The following HVCN1 variants were observed in gnomAD, a reference collection of about 807,000 sequenced individuals.
HVCN1 encodes the protein voltage-gated hydrogen channel 1.
HVCN1 carries 14 observed loss-of-function variants against 29.2 expected under a neutral mutation model. That is an observed-to-expected ratio of 0.48 (90% CI 0.32 to 0.75). The LOEUF is 0.75. HVCN1 is among the 30% of genes least tolerant of loss of function. The pLI, the probability that HVCN1 is intolerant of heterozygous loss-of-function variation, is 0.04. For synonymous variants in HVCN1, 131 were observed against 133.2 expected (o/e 0.98, Z 0.11); for missense variants, 263 against 341.8 (o/e 0.77, Z 1.82).
chr12:110,678,926 G>C (rs2068848564), intron 3 of HVCN1, among the ~76,000 whole-genome samples: 1 of 152,202 alleles, frequency 6.6e-6, no homozygotes, highest in Non-Finnish European at 1.5e-5. Flanking sequence ...ACCAGGAGCA[G>C]GGGCTGTGCT....
chr12:110,681,831 CCTTT>C (rs761324608), intron 3 of HVCN1, among the ~76,000 whole-genome samples: 50 of 152,322 alleles, frequency 3.3e-4, no homozygotes, highest in Middle Eastern at 3.4e-3. Flanking sequence ...GTCAACACTT[CCTTT>C]CTACCTTGCC....
rs146067824 is a variant in HVCN1, at chr12:110,653,186, G to A, written c.412-1738C>T. On this transcript the variant is annotated intron_variant, in intron 5 of 7. Coordinates refer to ENST00000242607, the MANE Select transcript of HVCN1 (RefSeq NM_032369.4). ...TTAAGAAAGCCCAGGGAGGCCGGGT[G>A]CAGTGGCTCACACCTGTAATCCCAG... Among the ~76,000 whole-genome samples the A allele has an allele frequency of 1.5e-3, 226 of 152,292 alleles. 5 individuals carry two copies. In the East Asian group the frequency reaches 0.025, roughly 17 times the overall value.
chr12:110,682,445 C>A (rs1308076131), intron 3 of HVCN1, among the ~76,000 whole-genome samples: 1 of 151,998 alleles, frequency 6.6e-6, no homozygotes, highest in Non-Finnish European at 1.5e-5. Flanking sequence ...GTGACTTGCC[C>A]ACCTTGGCCT....
chr12:110,654,827 G>A (rs2067934653), intron 5 of HVCN1, among the ~76,000 whole-genome samples: 1 of 152,018 alleles, frequency 6.6e-6, no homozygotes, highest in South Asian at 2.1e-4. Flanking sequence ...ACTGAGACAG[G>A]GTATGTCCAC....
chr12:110,660,268 C>T (rs183510943), intron 4 of HVCN1, among the ~76,000 whole-genome samples: 2 of 152,004 alleles, frequency 1.3e-5, no homozygotes, highest in African/African-American at 2.4e-5. Flanking sequence ...CCCAGCTACT[C>T]GGGAGGCTGA....
intron 3 of HVCN1, among the ~76,000 whole-genome samples, chr12:110,674,186 T>G (rs1451306860): frequency 6.6e-6 from 1 of 152,202 alleles, no homozygotes; most frequent in Non-Finnish European, 1.5e-5. Flanking sequence ...TTTGAAGCCT[T>G]AGAATTTGAC....
intron 3 of HVCN1, among the ~76,000 whole-genome samples, chr12:110,668,821 C>T (rs550191796): frequency 7.2e-5 from 11 of 152,270 alleles, no homozygotes; most frequent in Admixed American, 7.2e-4. Flanking sequence ...ACCGTGGCTC[C>T]AACCTGCCTG....
At chr12:110,660,455 G>A (rs965553342) in intron 4 of HVCN1, among the ~76,000 whole-genome samples, 4 of 152,266 alleles carry the variant, frequency 2.6e-5, no homozygotes, top group Non-Finnish European at 5.9e-5. Context: ...GGCCCCCAGC[G>A]TGATGGGTCT....
chr12:110,651,137 G>C lies in HVCN1; in HGVS notation c.643+80C>G, dbSNP rs1309967206. On this transcript the variant is annotated intron_variant, in intron 6 of 7. Coordinates refer to ENST00000242607, the MANE Select transcript of HVCN1 (RefSeq NM_032369.4). ...GAGCCACTGTGAGCTCAGGCACCCAGAGTGACTGCGCAGTCAGGCCTTGGA... is the reference window on the plus strand; with the variant it reads ...GAGCCACTGTGAGCTCAGGCACCCACAGTGACTGCGCAGTCAGGCCTTGGA... The C allele has an allele frequency of 9.6e-6, 10 of 1,041,320 alleles. No individual in the cohort carries two copies. In the African/African-American group the frequency reaches 1.4e-4, roughly 15 times the overall value. The allele number at this position is 1,041,320 out of a possible 1,614,324, so 64.5% of individuals were successfully genotyped here. A position where few individuals can be genotyped will look rare whatever the true frequency, so the allele number is the denominator to read the frequency against.
chr12:110,690,293 A>G (rs543958740), upstream of HVCN1, among the ~76,000 whole-genome samples: 1 of 152,274 alleles, frequency 6.6e-6, no homozygotes, highest in African/African-American at 2.4e-5. Flanking sequence ...TAATCTCTCC[A>G]GCTCAGGATC....
At chr12:110,696,138 G>A (rs980162654) in intron 2 of HVCN1, among the ~76,000 whole-genome samples, 10 of 150,296 alleles carry the variant, frequency 6.7e-5, no homozygotes, top group African/African-American at 2.2e-4. Context: ...TTTTTCAGTT[G>A]AGATGGGGTT....
chr12:110,657,677 A>G (rs1593448166), intron 4 of HVCN1, among the ~76,000 whole-genome samples: 1 of 152,316 alleles, frequency 6.6e-6, no homozygotes, highest in Non-Finnish European at 1.5e-5. Context: ...GAGACAGACC[A>G]ACCTAAGGTC....
At chr12:110,651,046 A>G (rs1307515617) in intron 6 of HVCN1, among the ~76,000 whole-genome samples, 171 bp downstream of exon 6, 2 of 152,092 alleles carry the variant, frequency 1.3e-5, no homozygotes, top group Non-Finnish European at 2.9e-5. Flanking sequence ...ACCAGCTCCT[A>G]AAGGGCTGAA....
At chr12:110,679,536 G>A (rs964926009) in intron 3 of HVCN1, among the ~76,000 whole-genome samples, 1 of 152,234 alleles carries the variant, frequency 6.6e-6, no homozygotes, top group African/African-American at 2.4e-5. Context: ...CTGTGAGGTA[G>A]TGTGATCGTT....
chr12:110,649,243 T>C lies in HVCN1; in HGVS notation c.*167A>G. The C allele has an allele frequency of 2.9e-6, 2 of 678,306 alleles. 1 individual carries two copies. The highest frequency in any genetic ancestry group is 3.3e-5 in the South Asian group (2 of 60,914). 42.0% of individuals were successfully genotyped at this position (678,306 alleles called of 1,614,324 possible). A position where few individuals can be genotyped will look rare whatever the true frequency, so the allele number is the denominator to read the frequency against. On this transcript the variant is annotated 3_prime_UTR_variant, in exon 8 of 8. Transcript: ENST00000242607. ...GTGGATGGGCAGCTCTTGGTGGTAC[T>C]GGACCTTCCACAAGGCTGTGTCCAC...
At chr12:110,686,496 G>T (rs1347524623) in intron 2 of HVCN1, among the ~76,000 whole-genome samples, 1 of 152,074 alleles carries the variant, frequency 6.6e-6, no homozygotes, top group Non-Finnish European at 1.5e-5. Flanking sequence ...TTCTCAACCT[G>T]CTCTCACGAG....
chr12:110,703,654 C>A (rs1174107942), intron 1 of HVCN1, among the ~76,000 whole-genome samples: 1 of 151,616 alleles, frequency 6.6e-6, no homozygotes, highest in Non-Finnish European at 1.5e-5. Context: ...AAACGACCGC[C>A]CCACTTTGTT....
intron 3 of HVCN1, among the ~76,000 whole-genome samples, chr12:110,666,266 C>CA (rs1208719647): frequency 6.7e-6 from 1 of 149,984 alleles, no homozygotes; most frequent in Non-Finnish European, 1.5e-5. Context: ...AAAAAAAATA[C>CA]AAAAAAATTA....
At chr12:110,662,852 T>C (rs2136306368) in intron 3 of HVCN1, among the ~76,000 whole-genome samples, 1 of 152,252 alleles carries the variant, frequency 6.6e-6, no homozygotes, top group South Asian at 2.1e-4. Context: ...ATATTTGCAA[T>C]GTATGTGATA....
Sources: gnomAD v4.1 joint callset for allele counts (sites outside exome capture counted in the v4.1 genomes callset) on GRCh38, gnomAD v4.1.1 for gene constraint, MANE v1.5 for transcripts, NCBI Gene and HGNC (gene_info 2026-07-23, HGNC 2026-07-21) for gene names.